Variants in PHACTR1 observed in about 807,000 individuals in gnomAD.
The protein encoded by PHACTR1 is phosphatase and actin regulator 1.
In PHACTR1, 16 loss-of-function variants were observed where a neutral mutation model predicts 69.2. That is an observed-to-expected ratio of 0.23 (90% CI 0.16 to 0.35). The LOEUF (loss-of-function observed/expected upper bound fraction) is 0.35. PHACTR1 is among the 10% of genes least tolerant of loss of function. PHACTR1 has a pLI of 1.00. For missense variants in PHACTR1, 510 were observed against 734.7 expected, an observed-to-expected ratio of 0.69 and a Z score of 3.54; for synonymous variants, 312 against 284.5, an observed-to-expected ratio of 1.10 and a Z score of -0.97.
chr6:12,775,327 G>T (rs140076494), intron 4 of PHACTR1, among the ~76,000 whole-genome samples: 4 of 151,682 alleles, frequency 2.6e-5, no homozygotes, highest in African/African-American at 7.3e-5. Flanking sequence ...TATCTTAATT[G>T]TTTTTTAAAA....
chr6:13,176,099 A>G (rs570175923), intron 6 of PHACTR1, among the ~76,000 whole-genome samples: 1 of 152,326 alleles, frequency 6.6e-6, no homozygotes, highest in South Asian at 2.1e-4. Flanking sequence ...TGTAGAAACC[A>G]GAGGAATGAG....
At chr6:13,278,113 C>G (rs780992020) in intron 11 of PHACTR1, 155 bp from the exon 12 acceptor site, 22 of 641,186 alleles carry the variant, frequency 3.4e-5, no homozygotes, top group Non-Finnish European at 5.3e-5. Context: ...AAGCAATCCC[C>G]ATAAGGAGAA....
chr6:13,046,020 C>T (rs956283522), intron 4 of PHACTR1, among the ~76,000 whole-genome samples: 2 of 152,188 alleles, frequency 1.3e-5, no homozygotes, highest in Non-Finnish European at 2.9e-5. Context: ...ATTGATTCTT[C>T]CCCCATGAGG....
At chr6:12,781,189 A>G (rs1352562726) in intron 4 of PHACTR1, among the ~76,000 whole-genome samples, 1 of 152,168 alleles carries the variant, frequency 6.6e-6, no homozygotes, top group Non-Finnish European at 1.5e-5. Context: ...TGTTCTGTGC[A>G]CAGACCTAGA....
At chr6:12,854,130 T>G (rs1780099740) in intron 4 of PHACTR1, among the ~76,000 whole-genome samples, 2 of 152,310 alleles carry the variant, frequency 1.3e-5, no homozygotes, top group Non-Finnish European at 2.9e-5. Context: ...TGAAAAACCT[T>G]CAATGTCTTA....
chr6:12,972,056 A>G (rs368758242), intron 4 of PHACTR1, among the ~76,000 whole-genome samples: 64 of 152,316 alleles, frequency 4.2e-4, no homozygotes, highest in African/African-American at 1.5e-3. Flanking sequence ...AAACTTCACA[A>G]CAACCTACCG....
At chr6:13,091,032 T>A (rs1583314242) in intron 5 of PHACTR1, among the ~76,000 whole-genome samples, 1 of 151,576 alleles carries the variant, frequency 6.6e-6, no homozygotes. Flanking sequence ...TGGGGTGGGG[T>A]GCAGAATTTC....
intron 4 of PHACTR1, among the ~76,000 whole-genome samples, chr6:12,868,148 T>G (rs1020562176): frequency 4.6e-5 from 7 of 151,536 alleles, no homozygotes; most frequent in Admixed American, 1.3e-4. Context: ...TCCTAGCTAC[T>G]CAGGAGGCTG....
chr6:12,915,542 G>A (rs1786892134), intron 4 of PHACTR1, among the ~76,000 whole-genome samples: 1 of 150,902 alleles, frequency 6.6e-6, no homozygotes, highest in Non-Finnish European at 1.5e-5. Context: ...AAAACAGGAG[G>A]AGAAGTGCCC....
At chr6:13,016,425 G>C (rs1210955452) in intron 4 of PHACTR1, among the ~76,000 whole-genome samples, 1 of 152,212 alleles carries the variant, frequency 6.6e-6, no homozygotes, top group East Asian at 1.9e-4. Context: ...ATTTTACACA[G>C]ATGAAATTTT....
intron 4 of PHACTR1, among the ~76,000 whole-genome samples, chr6:12,856,536 G>T (rs1780389712): frequency 6.6e-6 from 1 of 152,126 alleles, no homozygotes; most frequent in African/African-American, 2.4e-5. Context: ...GATTACAGGC[G>T]TGAGCCACTG....
intron 4 of PHACTR1, among the ~76,000 whole-genome samples, chr6:13,043,630 A>G (rs1402686646): frequency 2.0e-5 from 3 of 152,228 alleles, no homozygotes; most frequent in Non-Finnish European, 4.4e-5. Flanking sequence ...GAGTACTTCA[A>G]CAGACTCTAT....
At chr6:13,046,657 C>T (rs1287848770) in intron 4 of PHACTR1, among the ~76,000 whole-genome samples, 1 of 152,120 alleles carries the variant, frequency 6.6e-6, no homozygotes, top group Non-Finnish European at 1.5e-5. Context: ...CAGGCAACCT[C>T]TCTGTGCTAA....
At chr6:12,812,042 A>G (rs553333660) in intron 4 of PHACTR1, among the ~76,000 whole-genome samples, 34 of 152,252 alleles carry the variant, frequency 2.2e-4, no homozygotes, top group African/African-American at 7.5e-4. Context: ...TAAACTGTGC[A>G]ATTCAATAGC....
chr6:12,783,838 G>A (rs1771134971), intron 4 of PHACTR1, among the ~76,000 whole-genome samples: 2 of 152,044 alleles, frequency 1.3e-5, no homozygotes, highest in Non-Finnish European at 2.9e-5. Context: ...ATAAAATAGT[G>A]AAATAATAAA....
chr6:13,078,110 C>A (rs951923081), intron 5 of PHACTR1, among the ~76,000 whole-genome samples: 1 of 152,096 alleles, frequency 6.6e-6, no homozygotes, highest in Admixed American at 6.6e-5. Context: ...GACAGGAACA[C>A]TCTTAACCCT....
At chr6:13,155,429 C>G (rs1758030634) in intron 5 of PHACTR1, among the ~76,000 whole-genome samples, 1 of 152,192 alleles carries the variant, frequency 6.6e-6, no homozygotes, top group Non-Finnish European at 1.5e-5. Context: ...CTCAGCTTTT[C>G]TTTGTCCTCT....
intron 4 of PHACTR1, among the ~76,000 whole-genome samples, chr6:13,018,258 G>C (rs908689985): frequency 6.6e-6 from 1 of 152,124 alleles, no homozygotes; most frequent in East Asian, 1.9e-4. Flanking sequence ...GCAGTCTACC[G>C]AGGTCGAACC....
chr6:13,122,238 G>A (rs1193788788), intron 5 of PHACTR1, among the ~76,000 whole-genome samples: 1 of 152,162 alleles, frequency 6.6e-6, no homozygotes, highest in Admixed American at 6.5e-5. Flanking sequence ...AGGACTTTGT[G>A]TTTTACATCT....
Sources: allele counts gnomAD v4.1 joint callset (sites outside exome capture counted in the v4.1 genomes callset), GRCh38; gene constraint gnomAD v4.1.1; transcripts MANE v1.5; gene names NCBI Gene and HGNC (gene_info 2026-07-23, HGNC 2026-07-21).